HDAC9: variants seen among roughly 807,000 people sequenced by gnomAD.
The protein encoded by HDAC9 is histone deacetylase 9.
In HDAC9, 41 loss-of-function variants were observed where a neutral mutation model predicts 139.4. That is an observed-to-expected ratio of 0.29 (90% CI 0.23 to 0.38). The LOEUF is 0.38. Among genes scored for constraint, HDAC9 ranks in the 10% least tolerant of loss-of-function variants. The pLI, the probability that HDAC9 is intolerant of heterozygous loss-of-function variation, is 1.00. For missense variants in HDAC9, 1,147 were observed against 1,297.0 expected, an observed-to-expected ratio of 0.88 and a Z score of 1.78; for synonymous variants, 517 against 476.2, an observed-to-expected ratio of 1.09 and a Z score of -1.12.
intron 2 of HDAC9, among the ~76,000 whole-genome samples, chr7:18,225,576 G>A: frequency 6.6e-6 from 1 of 152,146 alleles, no homozygotes; most frequent in Non-Finnish European, 1.5e-5. Flanking sequence ...TTACAAGAAA[G>A]TTTAATTATG....
At chr7:18,969,327 T>C (rs1784101557) in intron 24 of HDAC9, among the ~76,000 whole-genome samples, 1 of 152,166 alleles carries the variant, frequency 6.6e-6, no homozygotes, top group Non-Finnish European at 1.5e-5. Flanking sequence ...AGGACTAAAT[T>C]AGCCTTACAT....
At chr7:18,221,842 AC>A (rs1792729425) in intron 2 of HDAC9, among the ~76,000 whole-genome samples, 1 of 152,154 alleles carries the variant, frequency 6.6e-6, no homozygotes, top group East Asian at 1.9e-4. Flanking sequence ...AGTGAAATTC[AC>A]TAAATTGGGT....
intron 12 of HDAC9, among the ~76,000 whole-genome samples, chr7:18,712,875 A>G (rs182221482): frequency 6.6e-6 from 1 of 152,324 alleles, no homozygotes; most frequent in Non-Finnish European, 1.5e-5. Flanking sequence ...GCAAGAGTTT[A>G]TTCATGTAAG....
At chr7:18,884,677 C>T (rs1388624591) in intron 22 of HDAC9, among the ~76,000 whole-genome samples, 1 of 152,198 alleles carries the variant, frequency 6.6e-6, no homozygotes, top group East Asian at 1.9e-4. Context: ...AAGTCTCCCT[C>T]TGCATGTGTG....
intron 1 of HDAC9, among the ~76,000 whole-genome samples, chr7:18,325,848 C>A (rs566819246): frequency 6.6e-4 from 101 of 152,112 alleles, no homozygotes; most frequent in African/African-American, 2.4e-3. Flanking sequence ...GTATTCAGAA[C>A]AGTAACATGC....
At chr7:18,639,999 A>G (rs1785063375) in intron 8 of HDAC9, among the ~76,000 whole-genome samples, 1 of 152,022 alleles carries the variant, frequency 6.6e-6, no homozygotes, top group Non-Finnish European at 1.5e-5. Context: ...CTGTGTGTAT[A>G]TATATATTTT....
chr7:18,977,213 C>T (rs1396006361), intron 25 of HDAC9, among the ~76,000 whole-genome samples: 1 of 152,036 alleles, frequency 6.6e-6, no homozygotes, highest in African/African-American at 2.4e-5. Context: ...AAGAACTAAC[C>T]CCCTGCCGTT....
intron 1 of HDAC9, among the ~76,000 whole-genome samples, chr7:18,153,398 AC>A (rs1241962933): frequency 2.0e-5 from 3 of 152,024 alleles, no homozygotes; most frequent in Non-Finnish European, 4.4e-5. Context: ...CTTGATATAC[AC>A]CCTATGTAAA....
At chr7:18,422,178 T>C (rs1449664343) in intron 1 of HDAC9, among the ~76,000 whole-genome samples, 1 of 152,230 alleles carries the variant, frequency 6.6e-6, no homozygotes, top group Admixed American at 6.5e-5. Context: ...TTTCATTTCC[T>C]AGCATCGGTC....
intron 23 of HDAC9, among the ~76,000 whole-genome samples, chr7:18,938,309 T>C (rs1382543153): frequency 6.7e-6 from 1 of 150,184 alleles, no homozygotes; most frequent in Non-Finnish European, 1.5e-5. Flanking sequence ...TGAAAGTATC[T>C]CGCTGGCCGG....
chr7:18,455,142 T>G (rs548884551), intron 1 of HDAC9, among the ~76,000 whole-genome samples: 1 of 152,098 alleles, frequency 6.6e-6, no homozygotes, highest in East Asian at 1.9e-4. Context: ...TAGAAATAAG[T>G]GTAGTAAAAA....
chr7:18,913,202 T>C (rs969097144), intron 22 of HDAC9, among the ~76,000 whole-genome samples: 3 of 152,062 alleles, frequency 2.0e-5, no homozygotes, highest in Admixed American at 2.0e-4. Flanking sequence ...CTTATCCAAA[T>C]ATCTTCCACA....
Position 18,438,645 on chromosome 7 carries a change from CGTGTGTGTGTGTGT to C in HDAC9, c.-41-57600_-41-57587del, listed in dbSNP as rs5882662. 3.4e-5 allele frequency among the ~76,000 whole-genome samples: 5 copies of C among 147,948 alleles called. 1 individual carries two copies. The highest frequency in any genetic ancestry group is 2.7e-4 in the Admixed American group (4 of 14,790). ...AAAAGACAGTGATATGCTGTGTGTG[CGTGTGTGTGTGTGT>C]GTGTGTGTGTGTGTGTAACATTATA... On this transcript the variant is annotated intron_variant, in intron 1 of 3. Coordinates refer to the HDAC9 transcript ENST00000413509.
chr7:18,162,117 A>G, intron 1 of HDAC9: 1 of 556,832 alleles, frequency 1.8e-6, no homozygotes, highest in South Asian at 2.3e-5. Context: ...CCTCAAAGAC[A>G]CATGGTCGCG....
intron 1 of HDAC9, among the ~76,000 whole-genome samples, chr7:18,092,477 C>A (rs1025565127): frequency 1.3e-5 from 2 of 151,448 alleles, no homozygotes; most frequent in African/African-American, 4.9e-5. Context: ...AGAAACAAGG[C>A]TCCAAATCCC....
chr7:18,114,663 C>T (rs1029307066), intron 1 of HDAC9, among the ~76,000 whole-genome samples: 1 of 152,148 alleles, frequency 6.6e-6, no homozygotes, highest in East Asian at 1.9e-4. Context: ...GAAGTAACCC[C>T]AGACTTGAAA....
upstream of HDAC9, among the ~76,000 whole-genome samples, chr7:18,495,513 G>C (rs995486529): frequency 1.1e-4 from 16 of 152,020 alleles, no homozygotes; most frequent in Admixed American, 3.3e-4. Flanking sequence ...TTGGTTTTAA[G>C]GCCCTGCGAT....
chr7:18,469,886 G>A (rs984515178), intron 1 of HDAC9, among the ~76,000 whole-genome samples: 13 of 152,024 alleles, frequency 8.6e-5, no homozygotes, highest in African/African-American at 2.9e-4. Context: ...CCAGCTTGAC[G>A]CCCAGATGTG....
rs138327515 is a variant in HDAC9 at position 18,642,404 on chromosome 7, G to A, written c.913-2267G>A. 2.0e-5 allele frequency among the ~76,000 whole-genome samples: 3 copies of A among 152,206 alleles called. No individual in the cohort carries two copies. The East Asian group carries it at 5.8e-4, about 29-fold the overall frequency. On this transcript the variant is annotated intron_variant, in intron 8 of 25. Coordinates refer to ENST00000686413, the MANE Select transcript of HDAC9 (RefSeq NM_178425.4). Reference sequence around the variant, plus strand: ...CCTGTCTTCCAGCAGTGGCTGCAGAGTCATACTCCCTGTAGCAGCAGCTGT... The same window carrying A: ...CCTGTCTTCCAGCAGTGGCTGCAGAATCATACTCCCTGTAGCAGCAGCTGT...
Sources: gnomAD v4.1 joint callset for allele counts (sites outside exome capture counted in the v4.1 genomes callset) on GRCh38, gnomAD v4.1.1 for gene constraint, MANE v1.5 for transcripts, NCBI Gene and HGNC (gene_info 2026-07-23, HGNC 2026-07-21) for gene names.